NRXN3: variants seen among roughly 807,000 people sequenced by gnomAD.
NRXN3 encodes neurexin III.
Under a neutral mutation model 137.6 loss-of-function variants are expected in NRXN3, and 32 were observed. The observed-to-expected ratio is 0.23, with a 90% CI of 0.18 to 0.31. The LOEUF is 0.31. Ranked by LOEUF, NRXN3 falls within the 10% of genes least tolerant of loss-of-function variation. NRXN3 has a pLI of 1.00. For synonymous variants in NRXN3, 798 were observed against 784.5 expected, an observed-to-expected ratio of 1.02 and a Z score of -0.29; for missense variants, 1,574 against 2,062.5, an observed-to-expected ratio of 0.76 and a Z score of 4.59.
At chr14:78,276,556 C>T (rs981025335) in intron 2 of NRXN3, among the ~76,000 whole-genome samples, 4 of 152,122 alleles carry the variant, frequency 2.6e-5, no homozygotes, top group African/African-American at 9.7e-5. Flanking sequence ...TCTCATAACA[C>T]CCCCATGAGG....
chr14:79,409,323 ATG>A (rs2095370804), intron 15 of NRXN3, among the ~76,000 whole-genome samples: 2 of 151,396 alleles, frequency 1.3e-5, no homozygotes, highest in Non-Finnish European at 2.9e-5. Flanking sequence ...ATGTGTGTAT[ATG>A]TGTATATATA....
chr14:78,954,146 A>G (rs796425182), intron 10 of NRXN3, among the ~76,000 whole-genome samples: 8 of 152,226 alleles, frequency 5.3e-5, no homozygotes, highest in African/African-American at 1.9e-4. Flanking sequence ...TGCCTGGGCT[A>G]CTTATTAGGT....
chr14:78,514,692 A>G (rs545694051), intron 4 of NRXN3, among the ~76,000 whole-genome samples: 7 of 152,284 alleles, frequency 4.6e-5, no homozygotes, highest in Admixed American at 2.6e-4. Flanking sequence ...ACAAACAATT[A>G]AAAACAAGCA....
intron 3 of NRXN3, chr14:78,282,557 C>T (rs1182988961): frequency 1.8e-5 from 3 of 167,566 alleles, no homozygotes; most frequent in African/African-American, 7.1e-5. Context: ...AAATAGGCCT[C>T]CTGCTTCCAT....
chr14:79,484,616 A>G (rs2096638824), intron 16 of NRXN3, among the ~76,000 whole-genome samples: 1 of 152,150 alleles, frequency 6.6e-6, no homozygotes, highest in Admixed American at 6.5e-5. Flanking sequence ...ACTCAGCTTC[A>G]TCCATCTGCC....
chr14:78,549,301 T>C (rs1011778305), intron 4 of NRXN3, among the ~76,000 whole-genome samples: 1 of 152,250 alleles, frequency 6.6e-6, no homozygotes, highest in Non-Finnish European at 1.5e-5. Flanking sequence ...TTTTGAGTTC[T>C]CACCTTTATG....
chr14:79,595,832 A>G (rs557739371), intron 16 of NRXN3, among the ~76,000 whole-genome samples: 4 of 152,344 alleles, frequency 2.6e-5, no homozygotes, highest in Admixed American at 6.5e-5. Flanking sequence ...TCGTAATTGC[A>G]TATGTGGTTC....
intron 4 of NRXN3, among the ~76,000 whole-genome samples, chr14:78,480,785 A>G (rs1599234774): frequency 6.6e-6 from 1 of 152,170 alleles, no homozygotes; most frequent in East Asian, 1.9e-4. Flanking sequence ...TTATTAAAAA[A>G]TGGAGCAGAC....
chr14:79,375,189 T>C (rs1157830793), intron 15 of NRXN3, among the ~76,000 whole-genome samples: 1 of 151,710 alleles, frequency 6.6e-6, no homozygotes, highest in African/African-American at 2.4e-5. Context: ...TCCAGTTATA[T>C]AGTCATTTAA....
intron 15 of NRXN3, among the ~76,000 whole-genome samples, chr14:79,006,362 CA>C (rs2099552913): frequency 6.6e-6 from 1 of 151,646 alleles, no homozygotes; most frequent in Non-Finnish European, 1.5e-5. Flanking sequence ...ACAAAAACCC[CA>C]AAAGCATGAA....
chr14:78,284,728 G>A (rs1437266961), intron 3 of NRXN3, among the ~76,000 whole-genome samples: 1 of 152,094 alleles, frequency 6.6e-6, no homozygotes, highest in Non-Finnish European at 1.5e-5. Flanking sequence ...CACACCTGCT[G>A]TTCTCTCCTG....
chr14:78,639,886 A>C (rs1480664342), intron 4 of NRXN3, among the ~76,000 whole-genome samples: 1 of 152,236 alleles, frequency 6.6e-6, no homozygotes, highest in Non-Finnish European at 1.5e-5. Context: ...GAACATTGAG[A>C]GGATACAAAT....
chr14:79,583,037 A>G (rs1182921026), intron 16 of NRXN3, among the ~76,000 whole-genome samples: 1 of 152,226 alleles, frequency 6.6e-6, no homozygotes, highest in African/African-American at 2.4e-5. Context: ...CCTCTTCATT[A>G]TATTTTACTA....
chr14:78,803,648 C>T lies in NRXN3; in HGVS notation c.2073C>T (p.Ser691=). 1 of 1,614,102 alleles carries T rather than the reference C, an allele frequency of 6.2e-7. No homozygotes were observed. Among genetic ancestry groups the T allele is most frequent in the Non-Finnish European group, 8.5e-7 (1 of 1,179,980 alleles). ...CATCCATCCTGAGCTATGATGGTAG[C>T]ATGTACATGAAGATCATCATGCCCA... ...REASILSYDG[S]MYMKIIMPMV... The change falls in exon 9 of 21, where the codon AGC becomes AGT. Residue 691 remains serine, a synonymous_variant. Transcript: ENST00000335750.
chr14:79,708,815 A>C (rs574354107), intron 19 of NRXN3, among the ~76,000 whole-genome samples: 3 of 152,288 alleles, frequency 2.0e-5, no homozygotes, highest in Admixed American at 2.0e-4. Context: ...CTCATCATTC[A>C]TGGATGAAAT....
intron 17 of NRXN3, among the ~76,000 whole-genome samples, chr14:79,683,580 T>C (rs2098681268): frequency 6.6e-6 from 1 of 152,102 alleles, no homozygotes; most frequent in African/African-American, 2.4e-5. Context: ...AAAAGTAAAA[T>C]TTATTATCTC....
intron 15 of NRXN3, among the ~76,000 whole-genome samples, chr14:79,422,671 C>T (rs115087679): frequency 6.7e-6 from 1 of 149,786 alleles, no homozygotes; most frequent in African/African-American, 2.5e-5. Context: ...ATTGAGCATG[C>T]AATTCTAATA....
chr14:79,548,281 A>G (rs946203236), intron 16 of NRXN3, among the ~76,000 whole-genome samples: 11 of 152,152 alleles, frequency 7.2e-5, no homozygotes, highest in African/African-American at 2.7e-4. Context: ...GAGTGAGAAC[A>G]TGCAGTGTTT....
chr14:78,667,671 C>G (rs1223977443), intron 6 of NRXN3, among the ~76,000 whole-genome samples: 2 of 152,092 alleles, frequency 1.3e-5, no homozygotes, highest in African/African-American at 4.8e-5. Flanking sequence ...TACTTCTTCA[C>G]AGACATAGGA....
Sources: gnomAD v4.1 joint callset for allele counts (sites outside exome capture counted in the v4.1 genomes callset) on GRCh38, gnomAD v4.1.1 for gene constraint, MANE v1.5 for transcripts, NCBI Gene and HGNC (gene_info 2026-07-23, HGNC 2026-07-21) for gene names.